The following OR8G5 variants were observed in gnomAD, a reference collection of about 807,000 sequenced individuals.
OR8G5 encodes the protein olfactory receptor family 8 subfamily G member 5, also known as olfactory receptor 8G5.
For synonymous variants in OR8G5, 147 were observed against 147.7 expected (o/e 1.00, Z 0.03); for missense variants, 347 against 371.9 (o/e 0.93, Z 0.55).
At chr11:124,263,035 T>C (rs1448679854) in intron 1 of OR8G5, among the ~76,000 whole-genome samples, 1 of 144,302 alleles carries the variant, frequency 6.9e-6, no homozygotes, top group Non-Finnish European at 1.5e-5. Context: ...GTTTGTAGTG[T>C]CTCATTATGG....
At chr11:124,260,451 C>T (rs1158983304) in intron 1 of OR8G5, among the ~76,000 whole-genome samples, 4 of 151,758 alleles carry the variant, frequency 2.6e-5, no homozygotes, top group Non-Finnish European at 5.9e-5. Flanking sequence ...GTACAACAAA[C>T]CCCCATGACA....
At chr11:124,264,845 G>C in intron 1 of OR8G5, 73 bp from the exon 2 acceptor site, 1 of 1,578,630 alleles carries the variant, frequency 6.3e-7, no homozygotes, top group Non-Finnish European at 8.7e-7. Flanking sequence ...ATATAAACAA[G>C]GGATCACTTT....
At chr11:124,262,262 A>T (rs1396510804) in intron 1 of OR8G5, among the ~76,000 whole-genome samples, 1 of 151,896 alleles carries the variant, frequency 6.6e-6, no homozygotes, top group Non-Finnish European at 1.5e-5. Flanking sequence ...GATCAAGACA[A>T]AAAGACAACC....
Position 124,265,178 on chromosome 11 carries a change from G to A in OR8G5, c.247G>A (p.Val83Met). 1 of 1,614,048 alleles carries A rather than the reference G, an allele frequency of 6.2e-7. No homozygotes were observed. Among genetic ancestry groups the A allele is most frequent in the Non-Finnish European group, 8.5e-7 (1 of 1,179,974 alleles). The change falls in exon 2 of 2, where the codon GTG becomes ATG. Residue 83 changes from valine to methionine, a missense_variant. Physicochemically the swap from Val to Met is conservative, Grantham distance 21. Transcript: ENST00000641992. ...HSTVITPKML[V>M]NFVTEKNIIS... Reference sequence around the variant, plus strand: ...CACTGTCATTACCCCTAAGATGCTGGTGAACTTTGTGACAGAGAAGAACAT... The same window carrying A: ...CACTGTCATTACCCCTAAGATGCTGATGAACTTTGTGACAGAGAAGAACAT...
At position 124,265,989 on chromosome 11, in the gene OR8G5, GAC is replaced by G; in HGVS notation, c.*123_*124del. 8.0e-7 allele frequency: 1 copy of G among 1,246,684 alleles called. No homozygotes were observed. The highest frequency in any genetic ancestry group is 1.1e-6 in the Non-Finnish European group (1 of 920,458). The allele number at this position is 1,246,684 out of a possible 1,614,324, so 77.2% of individuals were successfully genotyped here. A position where few individuals can be genotyped will look rare whatever the true frequency, so the allele number is the denominator to read the frequency against. On this transcript the variant is annotated 3_prime_UTR_variant, in exon 2 of 2. Transcript: ENST00000641992. ...CTTTCTAATTTGGGGGGATTTTACT[GAC>G]GTTATGTCTTATGCACATGGTCTAT...
At chr11:124,258,830 A>AT (rs1323013685) in intron 1 of OR8G5, among the ~76,000 whole-genome samples, 16 of 152,118 alleles carry the variant, frequency 1.1e-4, no homozygotes, top group Non-Finnish European at 4.4e-5. Flanking sequence ...ACACATTCTA[A>AT]GTCCATGGCA....
chr11:124,257,731 G>A (rs1467142151), intron 1 of OR8G5, among the ~76,000 whole-genome samples: 2 of 152,076 alleles, frequency 1.3e-5, no homozygotes, highest in Non-Finnish European at 2.9e-5. Flanking sequence ...CAAAGAAGGG[G>A]GTCTTAAGAC....
chr11:124,260,846 C>T (rs1472959150), intron 1 of OR8G5, among the ~76,000 whole-genome samples: 4 of 151,892 alleles, frequency 2.6e-5, no homozygotes, highest in Non-Finnish European at 5.9e-5. Flanking sequence ...AAACCTTCTA[C>T]CTATTTAAAA....
intron 1 of OR8G5, among the ~76,000 whole-genome samples, chr11:124,262,670 CAT>C (rs148716877): frequency 1.0e-3 from 124 of 124,028 alleles, no homozygotes; most frequent in Admixed American, 2.1e-3. Flanking sequence ...TATATATGTA[CAT>C]ATACACACAC....
intron 1 of OR8G5, among the ~76,000 whole-genome samples, chr11:124,262,699 A>ACACACACACC (rs1158969196): frequency 6.6e-6 from 1 of 151,480 alleles, no homozygotes; most frequent in South Asian, 2.1e-4. Context: ...ATACACACAC[A>ACACACACACC]CCACAACTCA....
intron 1 of OR8G5, among the ~76,000 whole-genome samples, chr11:124,259,279 A>C (rs892685620): frequency 6.6e-6 from 1 of 152,194 alleles, no homozygotes; most frequent in Non-Finnish European, 1.5e-5. Flanking sequence ...CAGGATATTT[A>C]CACATGAGTT....
At chr11:124,263,211 G>A (rs1479822360) in intron 1 of OR8G5, among the ~76,000 whole-genome samples, 1 of 152,016 alleles carries the variant, frequency 6.6e-6, no homozygotes, top group East Asian at 1.9e-4. Context: ...ACGTATTTTA[G>A]ATAAAAGTCC....
chr11:124,264,726 A>T, intron 1 of OR8G5, 192 bp from the exon 2 acceptor site: 1 of 624,470 alleles, frequency 1.6e-6, no homozygotes, highest in Non-Finnish European at 2.7e-6. Context: ...TTATAAACAT[A>T]GGTAAAATAT....
At chr11:124,264,777 A>T in intron 1 of OR8G5, 141 bp from the exon 2 acceptor site, 2 of 997,738 alleles carry the variant, frequency 2.0e-6, no homozygotes, top group Non-Finnish European at 3.0e-6. Flanking sequence ...AAAGATTACT[A>T]CATGCTAAAT....
At chr11:124,259,694 G>A (rs1861948597) in intron 1 of OR8G5, among the ~76,000 whole-genome samples, 1 of 152,040 alleles carries the variant, frequency 6.6e-6, no homozygotes, top group African/African-American at 2.4e-5. Flanking sequence ...TGACTGTGAT[G>A]ATCAATCATA....
At chr11:124,263,009 T>C (rs1861988276) in intron 1 of OR8G5, among the ~76,000 whole-genome samples, 1 of 151,586 alleles carries the variant, frequency 6.6e-6, no homozygotes, top group African/African-American at 2.4e-5. Flanking sequence ...TGTTTTGTTT[T>C]TTCTATTCTA....
In OR8G5 at chr11:124,265,858, A is replaced by C; in HGVS notation, c.927A>C (p.Thr309=). 1 of 1,609,974 alleles carries C rather than the reference A, an allele frequency of 6.2e-7. No individual in the cohort carries two copies. The highest frequency in any genetic ancestry group is 8.5e-7 in the Non-Finnish European group (1 of 1,177,686). Residue 309 remains threonine (T), a synonymous_variant, in exon 2 of 2, where the codon ACA becomes ACC. Coordinates refer to ENST00000641992, the MANE Select transcript of OR8G5 (RefSeq NM_001005198.2). ...VALKKTLGKR[T]FL ...TGAAGAAAACGCTAGGGAAAAGAAC[A>C]TTCTTATGAACAGAAGTACAATGAA...
chr11:124,261,378 T>C (rs1232937324), intron 1 of OR8G5, among the ~76,000 whole-genome samples: 1 of 151,864 alleles, frequency 6.6e-6, no homozygotes, highest in Non-Finnish European at 1.5e-5. Context: ...GAAAATCTAA[T>C]GAAAGGGAGT....
At chr11:124,260,581 A>G (rs192769449) in intron 1 of OR8G5, among the ~76,000 whole-genome samples, 6 of 151,868 alleles carry the variant, frequency 4.0e-5, no homozygotes, top group African/African-American at 1.2e-4. Flanking sequence ...ATATCCAGCA[A>G]TTGAATTATG....
Sources: allele counts gnomAD v4.1 joint callset (sites outside exome capture counted in the v4.1 genomes callset), GRCh38; gene constraint gnomAD v4.1.1; transcripts MANE v1.5; gene names NCBI Gene and HGNC (gene_info 2026-07-23, HGNC 2026-07-21).